The following TIMM23 variants were observed in gnomAD, a reference collection of about 807,000 sequenced individuals.
TIMM23 encodes the protein mitochondrial import inner membrane translocase subunit Tim23.
Under a neutral mutation model 30.7 loss-of-function variants are expected in TIMM23, and 19 were observed. The ratio of observed to expected loss-of-function variants is 0.62; its 90% CI spans 0.43 to 0.91. The LOEUF (loss-of-function observed/expected upper bound fraction) is 0.91, where lower values mean the gene tolerates loss of function less well. Among genes scored for constraint, TIMM23 ranks in the 40% least tolerant of loss-of-function variants. The pLI is 0.00. For synonymous variants in TIMM23, 78 were observed against 98.5 expected (o/e 0.79, Z 1.23); for missense variants, 202 against 269.2 (o/e 0.75, Z 1.75).
chr10:45,991,888 G>C (rs1349362438), intron 6 of TIMM23, among the ~76,000 whole-genome samples: 2 of 151,972 alleles, frequency 1.3e-5, no homozygotes, highest in African/African-American at 2.4e-5. Flanking sequence ...GCAGCTAGCT[G>C]TCCTGGGCTC....
At chr10:45,975,786 TG>T (rs1837656528) in intron 2 of TIMM23, among the ~76,000 whole-genome samples, 2 of 152,206 alleles carry the variant, frequency 1.3e-5, no homozygotes, top group East Asian at 1.9e-4. Flanking sequence ...ACAAAGTGTG[TG>T]GGGTTTTTTG....
rs1231886424 is a variant in TIMM23 at position 46,003,473 on chromosome 10, G to C, written c.*155G>C. ...ATGAAAATCCTGGATGGCTGACCAA[G>C]ACTGGCACTTGTTCCAGCCATTAGT... is the stretch of plus-strand genomic sequence containing the variant. On this transcript the variant is annotated 3_prime_UTR_variant, in exon 7 of 7. Coordinates refer to ENST00000580018, the MANE Select transcript of TIMM23 (RefSeq NM_006327.4). 1.7e-6 allele frequency: 1 copy of C among 576,638 alleles called. No homozygotes were observed. The highest frequency in any genetic ancestry group is 3.1e-5 in the Admixed American group (1 of 31,806). The allele number at this position is 576,638 out of a possible 1,614,324, so 35.7% of individuals were successfully genotyped here. A position where few individuals can be genotyped will look rare whatever the true frequency, so the allele number is the denominator to read the frequency against.
chr10:46,002,301 A>T (rs1838568082), intron 6 of TIMM23: 1 of 152,792 alleles, frequency 6.5e-6, no homozygotes, highest in Non-Finnish European at 1.5e-5. Flanking sequence ...TCAGCCTCCC[A>T]AATAGCTGGG....
chr10:46,002,234 G>A (rs1182143297), intron 6 of TIMM23: 3 of 151,970 alleles, frequency 2.0e-5, no homozygotes, highest in African/African-American at 7.3e-5. Context: ...GGAGTGCAGT[G>A]GTGTAATCTC....
chr10:45,972,731 G>T lies in TIMM23; in HGVS notation c.106+1G>T, dbSNP rs782431897. ...CACGCGGATTTGGCTGGCGTCCCGC[G>T]TAAGTATGGGGCCTAGCTTGCGATT... On this transcript the variant is annotated splice_donor_variant, in intron 1 of 6. Transcript: ENST00000580018. LOFTEE classifies it high-confidence loss of function. 1.9e-6 allele frequency: 3 copies of T among 1,613,888 alleles called. No individual in the cohort carries two copies. The highest frequency in any genetic ancestry group is 1.7e-6 in the Non-Finnish European group (2 of 1,179,836).
chr10:45,982,961 A>C, intron 4 of TIMM23, 31 bp downstream of exon 4: 1 of 1,613,678 alleles, frequency 6.2e-7, no homozygotes, highest in South Asian at 1.1e-5. Flanking sequence ...TGATGTAGTG[A>C]TACTTGAATA....
intron 2 of TIMM23, among the ~76,000 whole-genome samples, chr10:45,980,408 C>T (rs1837807212): frequency 6.6e-6 from 1 of 152,056 alleles, no homozygotes; most frequent in Non-Finnish European, 1.5e-5. Context: ...CAACTTTTAT[C>T]TGATACAGTA....
At chr10:45,995,404 G>A (rs1198276986) in intron 6 of TIMM23, among the ~76,000 whole-genome samples, 7 of 147,406 alleles carry the variant, frequency 4.7e-5, no homozygotes, top group African/African-American at 1.8e-4. Context: ...GAGCTTCCAT[G>A]CCTATCTGAT....
At chr10:45,994,281 A>G (rs1395774931) in intron 6 of TIMM23, among the ~76,000 whole-genome samples, 1 of 151,982 alleles carries the variant, frequency 6.6e-6, no homozygotes. Context: ...GGTGGTTGCC[A>G]TGAGGCAAGA....
At chr10:45,978,402 A>G (rs1463927888) in intron 2 of TIMM23, among the ~76,000 whole-genome samples, 5 of 152,242 alleles carry the variant, frequency 3.3e-5, no homozygotes, top group Non-Finnish European at 5.9e-5. Flanking sequence ...ATATTTGCAT[A>G]TTATGTATCT....
At chr10:45,992,795 A>G (rs1482063291) in intron 6 of TIMM23, 4 of 336,492 alleles carry the variant, frequency 1.2e-5, no homozygotes, top group African/African-American at 8.7e-5. Context: ...TGACCTCATG[A>G]TCCGCCCACC....
chr10:45,998,600 G>C (rs1376813148), intron 6 of TIMM23, among the ~76,000 whole-genome samples: 2 of 152,126 alleles, frequency 1.3e-5, no homozygotes, highest in African/African-American at 4.8e-5. Context: ...AACGGAAACA[G>C]TTACAATTAG....
rs1305320635 is a variant in TIMM23 at position 45,985,129 on chromosome 10, CTTATTA to C, written c.345-244_345-239del. On this transcript the variant is annotated intron_variant, in intron 4 of 6. Coordinates refer to ENST00000580018, the MANE Select transcript of TIMM23 (RefSeq NM_006327.4). ...TATACATTTAATAATAAGAGTTTTCCTTATTATTATTATTAAGGACTTATATAAAAG... is the reference window on the plus strand; with the variant it reads ...TATACATTTAATAATAAGAGTTTTCCTTATTATTAAGGACTTATATAAAAG... Among the ~76,000 whole-genome samples the C allele has an allele frequency of 2.4e-4, 37 of 151,284 alleles. 1 individual carries two copies. Among genetic ancestry groups the C allele is most frequent in the African/African-American group, 7.0e-4 (29 of 41,166 alleles).
At chr10:45,986,770 T>C (rs1838000426) in intron 5 of TIMM23, among the ~76,000 whole-genome samples, 1 of 151,480 alleles carries the variant, frequency 6.6e-6, no homozygotes, top group African/African-American at 2.4e-5. Flanking sequence ...AACCTCACTT[T>C]TTTTTTAATC....
intron 6 of TIMM23, among the ~76,000 whole-genome samples, chr10:45,991,864 C>T (rs1486096864): frequency 6.6e-6 from 1 of 151,996 alleles, no homozygotes; most frequent in Non-Finnish European, 1.5e-5. Flanking sequence ...ATATATGTGA[C>T]TTTGAATAGC....
In TIMM23 at chr10:46,002,810, A is replaced by ATTTTTT. The variant is rs386371331; in HGVS notation, c.515-374_515-369dup. Among the ~76,000 whole-genome samples, 603 of 95,064 alleles carry ATTTTTT rather than the reference A, an allele frequency of 6.3e-3. 19 individuals are homozygous for ATTTTTT. Among genetic ancestry groups the ATTTTTT allele is most frequent in the Middle Eastern group, 9.4e-3 (1 of 106 alleles). The allele number at this position is 95,064 out of a possible 152,430, so 62.4% of individuals were successfully genotyped here. On this transcript the variant is annotated intron_variant, in intron 6 of 6. Coordinates refer to ENST00000580018, the MANE Select transcript of TIMM23 (RefSeq NM_006327.4). Reference sequence around the variant, plus strand: ...TAAAATGGTCTCTCCATTTCATAGTATTTTTTTTTTTTTTTTTTTTTTTTG... The same window carrying ATTTTTT: ...TAAAATGGTCTCTCCATTTCATAGTATTTTTTTTTTTTTTTTTTTTTTTTTTTTTTG...
chr10:45,980,702 G>A (rs1329909566), intron 2 of TIMM23, among the ~76,000 whole-genome samples: 3 of 152,066 alleles, frequency 2.0e-5, no homozygotes, highest in African/African-American at 7.2e-5. Flanking sequence ...AGTAATACTA[G>A]TGTCCTGGAG....
intron 3 of TIMM23, 25 bp from the exon 4 acceptor site, chr10:45,982,820 CT>C: frequency 6.2e-7 from 1 of 1,613,342 alleles, no homozygotes; most frequent in Non-Finnish European, 8.5e-7. Context: ...CTGTCTTTAT[CT>C]GGGTGAATTG....
chr10:45,973,351 G>A (rs1233580287), intron 1 of TIMM23, among the ~76,000 whole-genome samples: 2 of 152,070 alleles, frequency 1.3e-5, no homozygotes, highest in Non-Finnish European at 2.9e-5. Context: ...GCCTCTCCTC[G>A]GTCTTGTGAA....
Sources: allele counts gnomAD v4.1 joint callset (sites outside exome capture counted in the v4.1 genomes callset), GRCh38; gene constraint gnomAD v4.1.1; transcripts MANE v1.5; gene names NCBI Gene and HGNC (gene_info 2026-07-23, HGNC 2026-07-21).